Variants in GRIK3 observed in about 807,000 individuals in gnomAD.
GRIK3 encodes the protein glutamate ionotropic receptor kainate type subunit 3, also known as glutamate receptor ionotropic, kainate 3.
In GRIK3, 29 loss-of-function variants were observed where a neutral mutation model predicts 102.5. That is an observed-to-expected ratio of 0.28 (90% CI 0.21 to 0.39). The LOEUF (loss-of-function observed/expected upper bound fraction) is 0.39, where lower values mean the gene tolerates loss of function less well. Ranked by LOEUF, GRIK3 falls within the 10% of genes least tolerant of loss-of-function variation. The pLI is 1.00. For missense variants in GRIK3, 908 were observed against 1,252.4 expected (o/e 0.73, Z 4.15); for synonymous variants, 511 against 504.9 (o/e 1.01, Z -0.16).
At chr1:36,976,139 G>A (rs1642193912) in intron 1 of GRIK3, among the ~76,000 whole-genome samples, 1 of 152,154 alleles carries the variant, frequency 6.6e-6, no homozygotes, top group South Asian at 2.1e-4. Flanking sequence ...GAGGGTGTGT[G>A]TAGTGGGGTA....
chr1:36,860,083 T>C, intron 5 of GRIK3, 66 bp from the exon 6 acceptor site: 1 of 1,300,022 alleles, frequency 7.7e-7, no homozygotes, highest in Non-Finnish European at 1.1e-6. Flanking sequence ...CCCCGCCTCC[T>C]ACCCACTCCC....
intron 10 of GRIK3, among the ~76,000 whole-genome samples, chr1:36,833,049 G>A (rs948090323): frequency 4.6e-5 from 7 of 152,156 alleles, no homozygotes; most frequent in Non-Finnish European, 1.0e-4. Flanking sequence ...CCAGGAGTGT[G>A]GGGAGTGAGC....
chr1:36,824,472 G>T (rs1031735790), intron 11 of GRIK3, among the ~76,000 whole-genome samples: 1 of 152,194 alleles, frequency 6.6e-6, no homozygotes, highest in African/African-American at 2.4e-5. Context: ...TGGGGAGCAG[G>T]GACATTTCAT....
At chr1:36,899,939 T>C (rs760189607) in intron 1 of GRIK3, among the ~76,000 whole-genome samples, 3 of 152,214 alleles carry the variant, frequency 2.0e-5, no homozygotes, top group Admixed American at 1.3e-4. Flanking sequence ...TGGATGAATT[T>C]ACTATTCTAC....
chr1:36,922,743 G>T (rs189763459), intron 1 of GRIK3, among the ~76,000 whole-genome samples: 13 of 152,296 alleles, frequency 8.5e-5, no homozygotes, highest in Non-Finnish European at 2.9e-5. Flanking sequence ...GAGGAAACAG[G>T]TTCCGGGAGG....
At chr1:36,805,936 C>CAAAAAAAA (rs749853809) in intron 14 of GRIK3, among the ~76,000 whole-genome samples, 168 bp downstream of exon 14, 9 of 31,562 alleles carry the variant, frequency 2.9e-4, no homozygotes, top group African/African-American at 9.4e-4. Flanking sequence ...AACTCCACCT[C>CAAAAAAAA]AAAAAAAAAA....
chr1:36,930,610 G>C (rs1194959814), intron 1 of GRIK3, among the ~76,000 whole-genome samples: 3 of 152,174 alleles, frequency 2.0e-5, no homozygotes, highest in Admixed American at 2.0e-4. Context: ...ATTCCACATG[G>C]GGCATTACAT....
At position 36,806,210 on chromosome 1, in the gene GRIK3, C is replaced by T; in HGVS notation, c.2208G>A (p.Leu736=). The T allele has an allele frequency of 1.2e-6, 2 of 1,614,132 alleles. No individual in the cohort carries two copies. The highest frequency in any genetic ancestry group is 1.3e-5 in the African/African-American group (1 of 75,058). ...IQRALTADYA[L]LMESTTIEYV... ...ACTCGATGGTGGTGGACTCCATGAG[C>T]AGCGCGTAGTCGGCCGTCAGGGCCC... The change falls in exon 14 of 16, where the codon CTG becomes CTA. Residue 736 remains leucine, a synonymous_variant. Transcript: ENST00000373091. The surrounding 1 kb of genome is among the most constrained non-coding windows in gnomAD (Gnocchi z 4.0).
chr1:36,903,082 C>T (rs968731012), intron 1 of GRIK3, among the ~76,000 whole-genome samples: 6 of 152,034 alleles, frequency 3.9e-5, no homozygotes, highest in East Asian at 1.9e-4. Context: ...CCACCACGCC[C>T]GGCCTGATGA....
chr1:36,938,756 CA>C, intron 1 of GRIK3, among the ~76,000 whole-genome samples: 1 of 152,298 alleles, frequency 6.6e-6, no homozygotes, highest in South Asian at 2.1e-4. Context: ...ACTCCCTGAC[CA>C]CAGTGACTGT....
chr1:36,932,975 G>A (rs1418798301), intron 1 of GRIK3, among the ~76,000 whole-genome samples: 1 of 152,154 alleles, frequency 6.6e-6, no homozygotes. Context: ...AAAACATGCC[G>A]AATAACAGAT....
In GRIK3 at chr1:36,994,615, T is replaced by C. The variant is rs147692686; in HGVS notation, c.115+39379A>G. Among the ~76,000 whole-genome samples the C allele has an allele frequency of 1.4e-4, 21 of 152,356 alleles. 1 individual carries two copies. The East Asian group carries it at 3.5e-3, about 25-fold the overall frequency. On this transcript the variant is annotated intron_variant, in intron 1 of 15. Transcript: ENST00000373091. ...TCAGAACTCTCCTTTTGTGAGTTGG[T>C]ACCAAGAACTTAATGCAATACTCTT...
intron 1 of GRIK3, among the ~76,000 whole-genome samples, chr1:36,974,672 C>T (rs1557448131): frequency 3.3e-5 from 5 of 151,750 alleles, no homozygotes; most frequent in Admixed American, 1.3e-4. Flanking sequence ...TGGTGGTGGG[C>T]GCCTGTAGTC....
intron 15 of GRIK3, among the ~76,000 whole-genome samples, chr1:36,803,695 C>A (rs1642467240): frequency 6.6e-6 from 1 of 152,200 alleles, no homozygotes; most frequent in South Asian, 2.1e-4. Flanking sequence ...TCCCAAAGTG[C>A]TGTGATTACA....
rs1317186368 is a variant in GRIK3 at position 36,958,315 on chromosome 1, G to A, written c.116-67219C>T. On this transcript the variant is annotated intron_variant, in intron 1 of 15. Transcript: ENST00000373091. ...CTGTGCCCCCTGAGTCTGTGTGCCC[G>A]GTGAGTCTGTGCCCCATGAGCCTGT... 2.1e-3 allele frequency among the ~76,000 whole-genome samples: 89 copies of A among 42,402 alleles called. 7 individuals carry two copies. The highest frequency in any genetic ancestry group is 0.011 in the African/African-American group (81 of 7,472). The allele number at this position is 42,402 out of a possible 152,430, so 27.8% of individuals were successfully genotyped here.
chr1:37,028,664 T>C (rs529986927), intron 1 of GRIK3, among the ~76,000 whole-genome samples: 1 of 152,252 alleles, frequency 6.6e-6, no homozygotes, highest in East Asian at 1.9e-4. Context: ...GGGCACCGCA[T>C]TCAGCCCCTT....
intron 8 of GRIK3, among the ~76,000 whole-genome samples, chr1:36,852,744 C>T (rs1433818967): frequency 6.6e-6 from 1 of 152,224 alleles, no homozygotes; most frequent in Non-Finnish European, 1.5e-5. Context: ...CTGGCTTCTG[C>T]TCACTACATT....
rs554032062 is a variant in GRIK3 at position 36,920,490 on chromosome 1, G to A, written c.116-29394C>T. On this transcript the variant is annotated intron_variant, in intron 1 of 15. Transcript: ENST00000373091. ...CATCCCGGGACCCCCAGAAGCCACC[G>A]TCTGCTGTTTGGGGTTGGATTTTGC... Among the ~76,000 whole-genome samples the A allele has an allele frequency of 5.9e-5, 9 of 152,192 alleles. No homozygotes were observed. The South Asian group carries it at 1.0e-3, about 18-fold the overall frequency.
chr1:36,998,873 C>T (rs1319737105), intron 1 of GRIK3, among the ~76,000 whole-genome samples: 1 of 152,174 alleles, frequency 6.6e-6, no homozygotes, highest in Non-Finnish European at 1.5e-5. Flanking sequence ...GCCCAAGGGG[C>T]TTCTGAGGCT....
Sources: gnomAD v4.1 joint callset for allele counts (sites outside exome capture counted in the v4.1 genomes callset) on GRCh38, gnomAD v4.1.1 for gene constraint, Gnocchi (gnomAD v3.1) non-coding constraint, MANE v1.5 for transcripts, NCBI Gene and HGNC (gene_info 2026-07-23, HGNC 2026-07-21) for gene names.